POLR2E: variants seen among roughly 807,000 people sequenced by gnomAD.
POLR2E encodes DNA-directed RNA polymerases I, II, and III subunit RPABC1.
In POLR2E, 35 loss-of-function variants were observed where a neutral mutation model predicts 29.8. That is an observed-to-expected ratio of 1.17 (90% CI 0.90 to 1.55). POLR2E has a LOEUF of 1.55. POLR2E is among the 40% of genes most tolerant of loss of function. The pLI, the probability that POLR2E is intolerant of heterozygous loss-of-function variation, is 0.00. For synonymous variants in POLR2E, 174 were observed against 112.6 expected (o/e 1.55, Z -3.45); for missense variants, 287 against 288.6 (o/e 0.99, Z 0.04).
At chr19:1,092,646 C>T (rs1388103280) in intron 2 of POLR2E, among the ~76,000 whole-genome samples, 2 of 151,980 alleles carry the variant, frequency 1.3e-5, no homozygotes. Flanking sequence ...AGAGATTGCG[C>T]CACTGCACTC....
chr19:1,090,420 C>A (rs1198217238), intron 4 of POLR2E, among the ~76,000 whole-genome samples: 1 of 150,928 alleles, frequency 6.6e-6, no homozygotes, highest in African/African-American at 2.4e-5. Context: ...ACACTCCCAG[C>A]AGTCCCGATT....
chr19:1,091,345 C>T (rs1279411689), intron 3 of POLR2E, among the ~76,000 whole-genome samples: 1 of 152,248 alleles, frequency 6.6e-6, no homozygotes, highest in African/African-American at 2.4e-5. Context: ...GACTAAACTG[C>T]TCTGCTGACT....
rs1402555063 is a variant in POLR2E, at chr19:1,094,054, C to T, written c.82G>A (p.Val28Met). The change falls in exon 2 of 8, where the codon GTG (valine) becomes ATG (methionine). Residue 28 changes from valine to methionine, a missense_variant. Transcript: ENST00000615234. ...MQLCHDRGYL[V>M]TQDELDQTLE... ...GTCTGGTCAAGCTCGTCCTGGGTCA[C>T]CAGATAGCCACGGTCGTGGCACAGC... is the stretch of plus-strand genomic sequence containing the variant. The T allele has an allele frequency of 1.2e-6, 2 of 1,612,592 alleles. No individual in the cohort carries two copies. The highest frequency in any genetic ancestry group is 1.7e-5 in the Admixed American group (1 of 59,734).
At chr19:1,090,710 G>A (rs962188288) in intron 4 of POLR2E, among the ~76,000 whole-genome samples, 198 bp downstream of exon 4, 9 of 151,922 alleles carry the variant, frequency 5.9e-5, no homozygotes, top group African/African-American at 1.9e-4. Flanking sequence ...GAGCCACCGC[G>A]CCCGGCCGGG....
At position 1,094,033 on chromosome 19, in the gene POLR2E, G is replaced by A. The variant is rs747356975; in HGVS notation, c.103C>T (p.Gln35Ter). ...GYLVTQDELD[Q>*]TLEEFKAQSG... The stretch of plus-strand genomic sequence containing the variant: ...TGGGCTTTGAACTCCTCCAGGGTCT[G>A]GTCAAGCTCGTCCTGGGTCACCAGA... The change falls in exon 2 of 8, where the codon CAG becomes TAG. Residue 35 changes from glutamine to a stop codon, truncating the protein, a stop_gained. Coordinates refer to ENST00000615234, the MANE Select transcript of POLR2E (RefSeq NM_002695.5). LOFTEE classifies it high-confidence loss of function. 1.2e-6 allele frequency: 2 copies of A among 1,613,648 alleles called. No homozygotes were observed. The highest frequency in any genetic ancestry group is 1.7e-6 in the Non-Finnish European group (2 of 1,179,852).
At chr19:1,094,586 G>A (rs1599798326) in intron 1 of POLR2E, 1 of 157,698 alleles carries the variant, frequency 6.3e-6, no homozygotes, top group African/African-American at 2.4e-5. Context: ...GTGACTTCAG[G>A]CTGACAATGT....
chr19:1,094,964 T>G, intron 1 of POLR2E: 1 of 457,820 alleles, frequency 2.2e-6, no homozygotes, highest in Non-Finnish European at 3.8e-6. Context: ...GCGCCCCCCG[T>G]CCCCATTCGC....
chr19:1,094,749 C>T (rs2043906165), intron 1 of POLR2E: 1 of 166,174 alleles, frequency 6.0e-6, no homozygotes, highest in South Asian at 1.5e-4. Context: ...TGCCCGGCTT[C>T]CAAACCGGAC....
At chr19:1,094,487 A>G in intron 1 of POLR2E, 2 of 188,290 alleles carry the variant, frequency 1.1e-5, no homozygotes, top group Non-Finnish European at 2.2e-5. Context: ...GGATGCAGTG[A>G]GCTATGATTG....
chr19:1,091,299 G>A (rs1476579222), intron 3 of POLR2E, among the ~76,000 whole-genome samples: 1 of 152,230 alleles, frequency 6.6e-6, no homozygotes, highest in Non-Finnish European at 1.5e-5. Flanking sequence ...GTGCTGCTCT[G>A]TGTGGCTGCG....
At chr19:1,093,815 C>A in intron 2 of POLR2E, 89 bp downstream of exon 2, 1 of 1,452,128 alleles carries the variant, frequency 6.9e-7, no homozygotes. Flanking sequence ...ATGCTGGGCA[C>A]CAGGCGAGTG....
intron 1 of POLR2E, chr19:1,094,374 A>C: frequency 2.5e-6 from 1 of 400,992 alleles, no homozygotes; most frequent in East Asian, 4.5e-5. Flanking sequence ...CACTTTGCAG[A>C]GCTACCCTAA....
chr19:1,087,416 G>A lies in POLR2E; in HGVS notation c.*1319C>T, dbSNP rs1218057034. ...GATCCGCCCACCTCGGCCTCCCAAAGTGCTGGGATTACAGGCGTGAGCCAC... is the reference window on the plus strand; with the variant it reads ...GATCCGCCCACCTCGGCCTCCCAAAATGCTGGGATTACAGGCGTGAGCCAC... On this transcript the variant is annotated 3_prime_UTR_variant, in exon 8 of 8. Transcript: ENST00000615234. 2 of 152,258 alleles carry A rather than the reference G, an allele frequency of 1.3e-5. No homozygotes were observed. The highest frequency in any genetic ancestry group is 4.8e-5 in the African/African-American group (2 of 41,442). 9.4% of individuals were successfully genotyped at this position (152,258 alleles called of 1,614,324 possible). A position where few individuals can be genotyped will look rare whatever the true frequency, so the allele number is the denominator to read the frequency against.
chr19:1,088,286 T>C lies in POLR2E; in HGVS notation c.*449A>G, dbSNP rs6843. 0.78 allele frequency: 118,208 copies of C among 152,196 alleles called. 46,368 individuals are homozygous for C. The highest frequency in any genetic ancestry group is 0.86 in the African/African-American group (35,659 of 41,504). 9.4% of individuals were successfully genotyped at this position (152,196 alleles called of 1,614,324 possible). A position where few individuals can be genotyped will look rare whatever the true frequency, so the allele number is the denominator to read the frequency against. ...CACCCTGGTGGCTTGAGCGCGTGCATGGCTGTGAATGGAGTAAAGAGCCGA... is the reference window on the plus strand; with the variant it reads ...CACCCTGGTGGCTTGAGCGCGTGCACGGCTGTGAATGGAGTAAAGAGCCGA... On this transcript the variant is annotated 3_prime_UTR_variant, in exon 8 of 8. Transcript: ENST00000615234.
In POLR2E at chr19:1,088,426, C is replaced by G. The variant is rs1212262719; in HGVS notation, c.*309G>C. 2 of 152,476 alleles carry G rather than the reference C, an allele frequency of 1.3e-5. No individual in the cohort carries two copies. The highest frequency in any genetic ancestry group is 2.9e-5 in the Non-Finnish European group (2 of 68,106). The allele number at this position is 152,476 out of a possible 1,614,324, so 9.4% of individuals were successfully genotyped here. A position where few individuals can be genotyped will look rare whatever the true frequency, so the allele number is the denominator to read the frequency against. ...GTGGGAGACCCGGACCCCAAACCCC[C>G]AACAGAGGGGACCCAGCGTGGTCTG... is the stretch of plus-strand genomic sequence containing the variant. On this transcript the variant is annotated 3_prime_UTR_variant, in exon 8 of 8. Transcript: ENST00000615234.
chr19:1,089,638 G>C, intron 6 of POLR2E, 87 bp from the exon 7 acceptor site: 1 of 1,194,244 alleles, frequency 8.4e-7, no homozygotes, highest in Non-Finnish European at 1.2e-6. Flanking sequence ...ACGGGCTGGG[G>C]ATGGCCGGCA....
At chr19:1,090,021 TGG>T (rs61585798) in intron 5 of POLR2E, 59 bp from the exon 6 acceptor site, 14 of 1,358,240 alleles carry the variant, frequency 1.0e-5, no homozygotes, top group East Asian at 2.3e-5. Flanking sequence ...GGGGTGTGTG[TGG>T]GGGGGGAACG....
At chr19:1,093,807 G>A in intron 2 of POLR2E, 97 bp downstream of exon 2, 1 of 1,446,978 alleles carries the variant, frequency 6.9e-7, no homozygotes, top group East Asian at 2.6e-5. Context: ...AGAGACAAAT[G>A]CTGGGCACCA....
chr19:1,090,707 C>CG (rs1269684267), intron 4 of POLR2E, among the ~76,000 whole-genome samples: 1 of 151,896 alleles, frequency 6.6e-6, no homozygotes, highest in African/African-American at 2.4e-5. Flanking sequence ...TGTGAGCCAC[C>CG]GCGCCCGGCC....
Sources: allele counts gnomAD v4.1 joint callset (sites outside exome capture counted in the v4.1 genomes callset), GRCh38; gene constraint gnomAD v4.1.1; transcripts MANE v1.5; gene names NCBI Gene and HGNC (gene_info 2026-07-23, HGNC 2026-07-21).